The following TUSC3 variants were observed in gnomAD, a reference collection of about 807,000 sequenced individuals.
TUSC3 encodes dolichyl-diphosphooligosaccharide--protein glycosyltransferase subunit TUSC3.
A neutral mutation model predicts 44.8 loss-of-function variants in TUSC3; 45 were observed. The observed-to-expected ratio is 1.00, with a 90% CI of 0.79 to 1.29. The LOEUF is 1.29. Among genes scored for constraint, TUSC3 ranks in the 50% most tolerant of loss-of-function variants. The pLI, the probability that TUSC3 is intolerant of heterozygous loss-of-function variation, is 0.00. For synonymous variants in TUSC3, 212 were observed against 152.9 expected, an observed-to-expected ratio of 1.39 and a Z score of -2.85; for missense variants, 519 against 437.9, an observed-to-expected ratio of 1.19 and a Z score of -1.65.
At chr8:15,693,498 G>A (rs1320010099) in intron 6 of TUSC3, among the ~76,000 whole-genome samples, 1 of 132,020 alleles carries the variant, frequency 7.6e-6, no homozygotes, top group South Asian at 2.3e-4. Context: ...AATCTCTCCT[G>A]GCTTGTAGGG....
chr8:15,467,104 G>C (rs1314812234), intron 1 of TUSC3, among the ~76,000 whole-genome samples: 1 of 151,938 alleles, frequency 6.6e-6, no homozygotes, highest in African/African-American at 2.4e-5. Context: ...TATTTGGGAA[G>C]GATTCAGAAA....
rs1795832220 is a variant in TUSC3 at position 15,642,675 on chromosome 8, C to G, written c.309-8022C>G. 3.3e-5 allele frequency among the ~76,000 whole-genome samples: 5 copies of G among 152,080 alleles called. No homozygotes were observed. The South Asian group carries it at 1.0e-3, about 31-fold the overall frequency. On this transcript the variant is annotated intron_variant, in intron 2 of 10. Transcript: ENST00000503731. The stretch of plus-strand genomic sequence containing the variant: ...GTTAACGCTTTCCTCATTTTGACTT[C>G]TCAGGTTTTGCAATATATATATATG...
intron 5 of TUSC3, among the ~76,000 whole-genome samples, chr8:15,669,167 A>G (rs1026546747): frequency 2.6e-5 from 4 of 151,850 alleles, no homozygotes; most frequent in African/African-American, 9.7e-5. Flanking sequence ...GACAATATCA[A>G]GGAAGTTGAA....
chr8:15,593,351 G>C (rs1172482207), intron 1 of TUSC3, among the ~76,000 whole-genome samples: 1 of 152,128 alleles, frequency 6.6e-6, no homozygotes, highest in Non-Finnish European at 1.5e-5. Context: ...CTCCCAAAGT[G>C]CTGGGATTAC....
chr8:15,482,327 G>T (rs1800673774), intron 1 of TUSC3, among the ~76,000 whole-genome samples: 1 of 152,126 alleles, frequency 6.6e-6, no homozygotes, highest in African/African-American at 2.4e-5. Context: ...TAATACTATT[G>T]TGATTTCCTT....
chr8:15,568,847 T>G (rs760474530), intron 1 of TUSC3, among the ~76,000 whole-genome samples: 1 of 152,144 alleles, frequency 6.6e-6, no homozygotes, highest in African/African-American at 2.4e-5. Context: ...CTTTTTTCCA[T>G]TTTTGGTACT....
rs1811276097 is a variant in TUSC3 at position 15,743,392 on chromosome 8, A to G, written c.863-146A>G. 4 of 819,306 alleles carry G rather than the reference A, an allele frequency of 4.9e-6. No homozygotes were observed. The Admixed American group carries it at 8.8e-5, about 18-fold the overall frequency. The allele number at this position is 819,306 out of a possible 1,614,324, so 50.8% of individuals were successfully genotyped here. A position where few individuals can be genotyped will look rare whatever the true frequency, so the allele number is the denominator to read the frequency against. ...GCATATTTGCTCACAAAGAATGGTA[A>G]TTTTATGTTATATAAAGGTAATTGA... On this transcript the variant is annotated intron_variant, in intron 7 of 10. Transcript: ENST00000503731.
intron 1 of TUSC3, among the ~76,000 whole-genome samples, chr8:15,591,400 T>A (rs1803834788): frequency 6.6e-6 from 1 of 152,212 alleles, no homozygotes; most frequent in African/African-American, 2.4e-5. Flanking sequence ...AAGTTTAATC[T>A]ATTCATTTAT....
At chr8:15,777,271 C>G in the TUSC3 span, among the ~76,000 whole-genome samples, 2 of 152,224 alleles carry the variant, frequency 1.3e-5, no homozygotes, top group Non-Finnish European at 2.9e-5. Context: ...TCCCCCCCAC[C>G]TTTTCGGGAG....
intron 2 of TUSC3, among the ~76,000 whole-genome samples, chr8:15,504,388 A>G (rs1473709189): frequency 6.6e-6 from 1 of 151,866 alleles, no homozygotes; most frequent in Admixed American, 6.6e-5. Context: ...TGTAATGCCT[A>G]GCACAAAATA....
chr8:15,825,953 A>C, the TUSC3 span, among the ~76,000 whole-genome samples: 4 of 150,562 alleles, frequency 2.7e-5, no homozygotes, highest in Non-Finnish European at 4.4e-5. Flanking sequence ...TTGCCTAGGG[A>C]AATTCATGTA....
At chr8:15,775,660 A>G in the TUSC3 span, among the ~76,000 whole-genome samples, 1 of 147,162 alleles carries the variant, frequency 6.8e-6, no homozygotes, top group African/African-American at 2.5e-5. Context: ...ACACACACAT[A>G]TACATATATA....
At chr8:15,649,796 C>T (rs1806806983) in intron 2 of TUSC3, among the ~76,000 whole-genome samples, 1 of 152,086 alleles carries the variant, frequency 6.6e-6, no homozygotes. Context: ...GCTGACTCTG[C>T]TCCAAGTCCT....
At chr8:15,566,305 A>G (rs933750992) in intron 1 of TUSC3, among the ~76,000 whole-genome samples, 1 of 152,136 alleles carries the variant, frequency 6.6e-6, no homozygotes, top group Non-Finnish European at 1.5e-5. Flanking sequence ...TATGTTCATC[A>G]TCAGCTTTAT....
chr8:15,481,993 C>T (rs1489596467), intron 1 of TUSC3, among the ~76,000 whole-genome samples: 1 of 152,200 alleles, frequency 6.6e-6, no homozygotes, highest in African/African-American at 2.4e-5. Flanking sequence ...AGTCAATCTT[C>T]TCCAATCCAG....
At chr8:15,807,572 T>C in the TUSC3 span, among the ~76,000 whole-genome samples, 15 of 152,336 alleles carry the variant, frequency 9.8e-5, no homozygotes, top group Non-Finnish European at 1.5e-4. Flanking sequence ...TATACTTTTA[T>C]GTTCATAACA....
the TUSC3 span, among the ~76,000 whole-genome samples, chr8:15,848,371 G>A: frequency 6.6e-6 from 1 of 152,198 alleles, no homozygotes; most frequent in South Asian, 2.1e-4. Context: ...AACAGGCTCT[G>A]TTCCAGCCCC....
chr8:15,678,561 C>T (rs1261973522), intron 6 of TUSC3, among the ~76,000 whole-genome samples: 1 of 152,042 alleles, frequency 6.6e-6, no homozygotes, highest in African/African-American at 2.4e-5. Flanking sequence ...GTAAACAATC[C>T]TTCAGAATAA....
At chr8:15,630,745 C>G (rs1805723699) in intron 2 of TUSC3, among the ~76,000 whole-genome samples, 1 of 152,146 alleles carries the variant, frequency 6.6e-6, no homozygotes, top group South Asian at 2.1e-4. Flanking sequence ...CCAGCATATC[C>G]TAAACTTGTA....
Sources: gnomAD v4.1 joint callset for allele counts (sites outside exome capture counted in the v4.1 genomes callset) on GRCh38, gnomAD v4.1.1 for gene constraint, MANE v1.5 for transcripts, NCBI Gene and HGNC (gene_info 2026-07-23, HGNC 2026-07-21) for gene names.